Variants in GRID2 observed in about 807,000 individuals in gnomAD.
GRID2 encodes the protein glutamate receptor ionotropic, delta-2.
In GRID2, 33 loss-of-function variants were observed where a neutral mutation model predicts 114.8. The observed-to-expected ratio is 0.29, with a 90% CI of 0.22 to 0.38. The LOEUF (loss-of-function observed/expected upper bound fraction) is 0.38. Among genes scored for constraint, GRID2 ranks in the 10% least tolerant of loss-of-function variants. The probability of loss-of-function intolerance (pLI) is 1.00; values close to 1 mark genes in which losing one functional copy is unlikely to be tolerated. For missense variants in GRID2, 1,184 were observed against 1,257.7 expected, an observed-to-expected ratio of 0.94 and a Z score of 0.89; for synonymous variants, 505 against 449.9, an observed-to-expected ratio of 1.12 and a Z score of -1.55.
intron 8 of GRID2, among the ~76,000 whole-genome samples, chr4:93,333,306 A>G (rs1758695545): frequency 6.6e-6 from 1 of 152,122 alleles, no homozygotes; most frequent in African/African-American, 2.4e-5. Flanking sequence ...AACCCTACAT[A>G]CTAGGTGATG....
rs144973099 is a variant in GRID2 at position 92,428,521 on chromosome 4, C to T, written c.88+123777C>T. 3.3e-3 allele frequency among the ~76,000 whole-genome samples: 500 copies of T among 151,956 alleles called. 4 individuals carry two copies. The highest frequency in any genetic ancestry group is 0.011 in the African/African-American group (448 of 41,480). ...TCCTTGTGGACAATTGGTATATTCC[C>T]GTATATTCTTTCCCTGTGATATTAA... On this transcript the variant is annotated intron_variant, in intron 1 of 15. Transcript: ENST00000282020.
intron 1 of GRID2, among the ~76,000 whole-genome samples, chr4:92,546,626 A>G (rs1429872361): frequency 1.3e-5 from 2 of 152,212 alleles, no homozygotes; most frequent in South Asian, 2.1e-4. Flanking sequence ...AACGTAATAT[A>G]GGAATTCAAA....
intron 13 of GRID2, among the ~76,000 whole-genome samples, chr4:93,623,275 T>C (rs1742378151): frequency 1.3e-5 from 2 of 151,912 alleles, no homozygotes; most frequent in South Asian, 4.2e-4. Flanking sequence ...TCACCTACAT[T>C]AGGTATTTCT....
chr4:92,728,743 A>G (rs2149322549), intron 2 of GRID2, among the ~76,000 whole-genome samples: 1 of 152,074 alleles, frequency 6.6e-6, no homozygotes, highest in Non-Finnish European at 1.5e-5. Flanking sequence ...AAGAAAACAA[A>G]GCAAGCAGAG....
chr4:92,577,167 T>C (rs1727935496), intron 1 of GRID2, among the ~76,000 whole-genome samples: 1 of 152,076 alleles, frequency 6.6e-6, no homozygotes, highest in African/African-American at 2.4e-5. Context: ...ATCAACTCAG[T>C]GATCAGGGGA....
intron 8 of GRID2, among the ~76,000 whole-genome samples, chr4:93,341,275 T>A (rs1759621683): frequency 6.7e-6 from 1 of 149,574 alleles, no homozygotes; most frequent in Admixed American, 6.7e-5. Flanking sequence ...TTTCTAAAAC[T>A]TTTTTTTCCC....
At chr4:93,132,985 C>A (rs1426575896) in intron 4 of GRID2, among the ~76,000 whole-genome samples, 1 of 152,150 alleles carries the variant, frequency 6.6e-6, no homozygotes, top group Non-Finnish European at 1.5e-5. Flanking sequence ...TGGTTCACTT[C>A]TCTGTTAAGC....
chr4:93,482,733 A>T (rs1269948075), intron 11 of GRID2, among the ~76,000 whole-genome samples: 1 of 151,938 alleles, frequency 6.6e-6, no homozygotes, highest in East Asian at 1.9e-4. Flanking sequence ...CTAAAAGGTA[A>T]TTGTAAATGG....
intron 7 of GRID2, among the ~76,000 whole-genome samples, 178 bp from the exon 8 acceptor site, chr4:93,238,193 G>T (rs1310768538): frequency 6.6e-6 from 1 of 151,782 alleles, no homozygotes; most frequent in Non-Finnish European, 1.5e-5. Context: ...TCCAAAGTTA[G>T]GTTCAACTGT....
intron 2 of GRID2, among the ~76,000 whole-genome samples, chr4:93,000,818 G>T (rs1015037484): frequency 7.0e-6 from 1 of 142,798 alleles, no homozygotes; most frequent in Admixed American, 7.0e-5. Flanking sequence ...TGGGGAGGGT[G>T]GGTGGGAGAA....
intron 2 of GRID2, among the ~76,000 whole-genome samples, chr4:93,071,739 C>T (rs1392967751): frequency 6.6e-6 from 1 of 152,006 alleles, no homozygotes; most frequent in African/African-American, 2.4e-5. Flanking sequence ...ATATTCATGG[C>T]CAGGCAGAAG....
intron 10 of GRID2, among the ~76,000 whole-genome samples, chr4:93,453,352 G>C (rs1358034693): frequency 6.9e-6 from 1 of 145,842 alleles, no homozygotes; most frequent in Non-Finnish European, 1.5e-5. Flanking sequence ...GAGAGAGAGA[G>C]AGAGAGAGTG....
intron 8 of GRID2, among the ~76,000 whole-genome samples, chr4:93,334,232 G>C (rs1032731082): frequency 6.6e-6 from 1 of 152,138 alleles, no homozygotes; most frequent in African/African-American, 2.4e-5. Flanking sequence ...TTTCAGTCTA[G>C]TTCACTGTAG....
chr4:93,018,894 T>A (rs1288153775), intron 2 of GRID2, among the ~76,000 whole-genome samples: 1 of 152,058 alleles, frequency 6.6e-6, no homozygotes, highest in Non-Finnish European at 1.5e-5. Flanking sequence ...AACAAAACTT[T>A]TACATTAAAA....
chr4:93,332,097 T>C (rs1012990770), intron 8 of GRID2, among the ~76,000 whole-genome samples: 1 of 152,026 alleles, frequency 6.6e-6, no homozygotes, highest in African/African-American at 2.4e-5. Context: ...GAACACAGAA[T>C]GTATTGCCAA....
At chr4:92,905,350 AT>A (rs1364389046) in intron 2 of GRID2, among the ~76,000 whole-genome samples, 1 of 152,238 alleles carries the variant, frequency 6.6e-6, no homozygotes, top group African/African-American at 2.4e-5. Context: ...CTCTAAAAAA[AT>A]CAACATGACT....
chr4:93,532,453 A>G (rs1234563792), intron 13 of GRID2, among the ~76,000 whole-genome samples: 1 of 152,158 alleles, frequency 6.6e-6, no homozygotes, highest in Non-Finnish European at 1.5e-5. Context: ...TGTAAATGTG[A>G]TGGAAGGTTT....
intron 1 of GRID2, among the ~76,000 whole-genome samples, chr4:92,499,603 T>C (rs1344451341): frequency 6.6e-6 from 1 of 152,066 alleles, no homozygotes; most frequent in Non-Finnish European, 1.5e-5. Context: ...TCTATGAATG[T>C]TTTGTTTATT....
chr4:93,310,909 T>G (rs74792781), intron 8 of GRID2, among the ~76,000 whole-genome samples: 1,739 of 152,296 alleles, frequency 0.011, 28 homozygotes, highest in African/African-American at 0.039. Flanking sequence ...GTCTTATCTT[T>G]TCTGTGTATA....
Sources: allele counts gnomAD v4.1 joint callset (sites outside exome capture counted in the v4.1 genomes callset), GRCh38; gene constraint gnomAD v4.1.1; transcripts MANE v1.5; gene names NCBI Gene and HGNC (gene_info 2026-07-23, HGNC 2026-07-21).